Variants in CDON observed in about 807,000 individuals in gnomAD.
The protein encoded by CDON is cell adhesion associated, oncogene regulated.
A neutral mutation model predicts 120.9 loss-of-function variants in CDON; 73 were observed. That is an observed-to-expected ratio of 0.60 (90% confidence interval 0.50 to 0.73). CDON has a LOEUF of 0.73. Ranked by LOEUF, CDON falls within the 30% of genes least tolerant of loss-of-function variation. The pLI is 0.00. For missense variants in CDON, 1,470 were observed against 1,587.3 expected, an observed-to-expected ratio of 0.93 and a Z score of 1.26; for synonymous variants, 566 against 573.5, an observed-to-expected ratio of 0.99 and a Z score of 0.19.
intron 1 of CDON, among the ~76,000 whole-genome samples, chr11:126,057,335 T>C (rs970074870): frequency 3.9e-5 from 6 of 152,146 alleles, no homozygotes; most frequent in Non-Finnish European, 7.4e-5. Flanking sequence ...TTACAAAGCA[T>C]GAATTAGTAC....
At chr11:125,975,414 A>C (rs1031779950) in intron 18 of CDON, among the ~76,000 whole-genome samples, 5 of 144,546 alleles carry the variant, frequency 3.5e-5, no homozygotes, top group African/African-American at 1.3e-4. Context: ...TTATTTAATA[A>C]ATAATATTTA....
chr11:125,960,836 T>C lies in CDON; in HGVS notation c.*106A>G. 9.7e-7 allele frequency: 1 copy of C among 1,026,040 alleles called. No homozygotes were observed. The highest frequency in any genetic ancestry group is 1.5e-6 in the Non-Finnish European group (1 of 650,836). 63.6% of individuals were successfully genotyped at this position (1,026,040 alleles called of 1,614,324 possible). On this transcript the variant is annotated 3_prime_UTR_variant, in exon 20 of 20. Coordinates refer to ENST00000531738, the MANE Select transcript of CDON (RefSeq NM_001378964.1). ...ATTACTACTACAAAAAAATAAATAA[T>C]GATTTTCTCTGATTTGAATTAAGGT...
At position 126,062,612 on chromosome 11, in the gene CDON, C is replaced by T. The variant is rs1389030780; in HGVS notation, c.-95G>A. Reference sequence around the variant, plus strand: ...GGGGCTGGCTAAGCCTCCAGACCTCCTGCGCTGCAGCCGGCTCGGAAAGCC... The same window carrying T: ...GGGGCTGGCTAAGCCTCCAGACCTCTTGCGCTGCAGCCGGCTCGGAAAGCC... On this transcript the variant is annotated 5_prime_UTR_variant, in exon 1 of 20. Transcript: ENST00000531738. 4 of 152,390 alleles carry T rather than the reference C, an allele frequency of 2.6e-5. No individual in the cohort carries two copies. The highest frequency in any genetic ancestry group is 9.7e-5 in the African/African-American group (4 of 41,420). 9.4% of individuals were successfully genotyped at this position (152,390 alleles called of 1,614,324 possible). A position where few individuals can be genotyped will look rare whatever the true frequency, so the allele number is the denominator to read the frequency against.
intron 18 of CDON, among the ~76,000 whole-genome samples, chr11:125,972,102 T>G (rs1234920611): frequency 6.6e-6 from 1 of 152,196 alleles, no homozygotes; most frequent in East Asian, 1.9e-4. Context: ...TTTCTAGGCA[T>G]TCATAGTGAG....
At chr11:125,985,374 A>C (rs1451093341) in intron 15 of CDON, among the ~76,000 whole-genome samples, 4 of 152,138 alleles carry the variant, frequency 2.6e-5, no homozygotes, top group Admixed American at 2.6e-4. Context: ...ACAGGGTCTC[A>C]ACATATTGGC....
At position 126,005,939 on chromosome 11, in the gene CDON, C is replaced by T. The variant is rs35884952; in HGVS notation, c.1671G>A (p.Lys557=). The T allele has an allele frequency of 0.022, 36,103 of 1,614,058 alleles. 468 individuals are homozygous for T. Among genetic ancestry groups the T allele is most frequent in the Non-Finnish European group, 0.026 (30,822 of 1,179,966 alleles). ...CTGATTCCACTGCACTGGGATGGAC[C>T]TTCACCGGAAATGAGCTCAGTAACC... ...ETGLLSSFPV[K]VHPSAVESAP... is the part of the protein sequence containing the mutation. The change falls in exon 9 of 20, where the codon AAG becomes AAA. Residue 557 remains lysine, a synonymous_variant. Coordinates refer to ENST00000531738, the MANE Select transcript of CDON (RefSeq NM_001378964.1).
intron 1 of CDON, among the ~76,000 whole-genome samples, chr11:126,052,256 A>G (rs562823524): frequency 6.6e-6 from 1 of 152,328 alleles, no homozygotes; most frequent in Non-Finnish European, 1.5e-5. Flanking sequence ...TGGTGACTAG[A>G]GCTTGGAATT....
At chr11:125,986,334 G>A (rs1027309725) in intron 15 of CDON, among the ~76,000 whole-genome samples, 2 of 152,110 alleles carry the variant, frequency 1.3e-5, no homozygotes, top group Admixed American at 1.3e-4. Flanking sequence ...CATTAGGAAT[G>A]ATGAGTTAAT....
chr11:125,973,252 G>A (rs1055410120), intron 18 of CDON, among the ~76,000 whole-genome samples: 1 of 152,046 alleles, frequency 6.6e-6, no homozygotes, highest in African/African-American at 2.4e-5. Context: ...CCCAAATTCA[G>A]CTGGGCATGG....
At chr11:126,023,858 G>A (rs1761957118) in intron 1 of CDON, among the ~76,000 whole-genome samples, 1 of 152,196 alleles carries the variant, frequency 6.6e-6, no homozygotes, top group Admixed American at 6.5e-5. Flanking sequence ...CAACCAACAT[G>A]TATTCCTCTT....
At position 125,960,567 on chromosome 11, in the gene CDON, C is replaced by T. The variant is rs1945614391; in HGVS notation, c.*375G>A. On this transcript the variant is annotated 3_prime_UTR_variant, in exon 20 of 20. Transcript: ENST00000531738. Reference sequence around the variant, plus strand: ...ACCTGAAAACCCAGCTGGTGGCAACCTTCAACGGGCCCCTGCATTCCCTCC... The same window carrying T: ...ACCTGAAAACCCAGCTGGTGGCAACTTTCAACGGGCCCCTGCATTCCCTCC... The T allele has an allele frequency of 4.1e-6, 1 of 241,754 alleles. No homozygotes were observed. Among genetic ancestry groups the T allele is most frequent in the Admixed American group, 5.2e-5 (1 of 19,318 alleles). 15.0% of individuals were successfully genotyped at this position (241,754 alleles called of 1,614,324 possible).
intron 9 of CDON, 130 bp downstream of exon 9, chr11:126,005,629 G>T: frequency 1.2e-6 from 1 of 850,126 alleles, no homozygotes; most frequent in Non-Finnish European, 1.9e-6. Context: ...GGATCTCTCT[G>T]ACAAACTCAT....
At chr11:126,045,036 T>G (rs73021227) in intron 1 of CDON, among the ~76,000 whole-genome samples, 17,971 of 142,790 alleles carry the variant, frequency 0.13, 1,175 homozygotes, top group African/African-American at 0.18. Context: ...AATATATATA[T>G]AGAGAGAGAG....
In CDON at chr11:125,995,077, AAACAAC is replaced by A. The variant is rs138741332; in HGVS notation, c.2363-31_2363-26del. ...CCTTTGAGGGAAAACAAAAACAAAC[AAACAAC>A]AACAACAAAAACATAACTAAGAAAA... On this transcript the variant is annotated intron_variant, in intron 12 of 19. Coordinates refer to ENST00000531738, the MANE Select transcript of CDON (RefSeq NM_001378964.1). 37 of 1,566,636 alleles carry A rather than the reference AAACAAC, an allele frequency of 2.4e-5. 1 individual carries two copies. The East Asian group carries it at 7.6e-4, about 32-fold the overall frequency.
In CDON at chr11:126,010,347, T is replaced by A; in HGVS notation, c.1546A>T (p.Met516Leu). The change falls in exon 8 of 20, where the codon ATG (methionine) becomes TTG (leucine). Residue 516 changes from methionine to leucine, a missense_variant. Met to Leu is a conservative substitution (Grantham distance 15). Coordinates refer to ENST00000531738, the MANE Select transcript of CDON (RefSeq NM_001378964.1). ...HGTTQAEASL[M>L]VVPFETNTKA... ...AATAATAATGGCAACTCACCAACCA[T>A]GAGAGATGCTTCTGCCTGTGTGGTA... 1 of 1,602,336 alleles carries A rather than the reference T, an allele frequency of 6.2e-7. No homozygotes were observed. Among genetic ancestry groups the A allele is most frequent in the Non-Finnish European group, 8.5e-7 (1 of 1,172,490 alleles).
Position 126,017,128 on chromosome 11 carries a change from A to G in CDON, c.888T>C (p.Ser296=). 1.2e-6 allele frequency: 2 copies of G among 1,614,186 alleles called. No individual in the cohort carries two copies. The highest frequency in any genetic ancestry group is 1.7e-6 in the Non-Finnish European group (2 of 1,180,018). ...TGTAAGTCACATATTTTACATCTCCAGACTTGTTTCCCGCCATGCAGGAAT... is the reference window on the plus strand; with the variant it reads ...TGTAAGTCACATATTTTACATCTCCGGACTTGTTTCCCGCCATGCAGGAAT... ...GNYSCMAGNK[S]GDVKYVTYMV... The change falls in exon 6 of 20, where the codon TCT becomes TCC. Residue 296 remains serine (S), a synonymous_variant. Coordinates refer to ENST00000531738, the MANE Select transcript of CDON (RefSeq NM_001378964.1).
At chr11:126,056,347 A>G (rs1359730370) in intron 1 of CDON, among the ~76,000 whole-genome samples, 3 of 152,216 alleles carry the variant, frequency 2.0e-5, no homozygotes, top group African/African-American at 7.2e-5. Flanking sequence ...CTGACCACGG[A>G]TGGTCTGATT....
intron 15 of CDON, among the ~76,000 whole-genome samples, chr11:125,985,469 C>T (rs537271363): frequency 1.8e-4 from 27 of 152,300 alleles, no homozygotes; most frequent in African/African-American, 5.8e-4. Flanking sequence ...CGTAAGCCAC[C>T]GTGCCTAGCT....
rs1947262296 is a variant in CDON at position 126,010,450 on chromosome 11, A to G, written c.1443T>C (p.Gly481=). The change falls in exon 8 of 20, where the codon GGT becomes GGC. Residue 481 remains glycine, a synonymous_variant. Coordinates refer to ENST00000531738, the MANE Select transcript of CDON (RefSeq NM_001378964.1). ...CAGCCTGAATATGGAGAGAGCTTGC[A>G]CCAGCTTGGGACAGGACGAAGTACA... The part of the protein sequence containing the change: ...EPVYFVLSQA[G]ASSLHIQAVT... The G allele has an allele frequency of 4.3e-6, 7 of 1,614,136 alleles. No homozygotes were observed. The highest frequency in any genetic ancestry group is 5.9e-6 in the Non-Finnish European group (7 of 1,180,006).
Sources: allele counts gnomAD v4.1 joint callset (sites outside exome capture counted in the v4.1 genomes callset), GRCh38; gene constraint gnomAD v4.1.1; transcripts MANE v1.5; gene names NCBI Gene and HGNC (gene_info 2026-07-23, HGNC 2026-07-21).